Variants in ARAP2 observed in about 807,000 individuals in gnomAD.
ARAP2 encodes the protein ArfGAP with RhoGAP domain, ankyrin repeat and PH domain 2.
A neutral mutation model predicts 194.5 loss-of-function variants in ARAP2; 148 were observed. That is an observed-to-expected ratio of 0.76 (90% CI 0.67 to 0.87). ARAP2 has a LOEUF of 0.87. Ranked by LOEUF, ARAP2 falls within the 40% of genes least tolerant of loss-of-function variation. ARAP2 has a pLI of 0.00. For synonymous variants in ARAP2, 695 were observed against 683.5 expected (o/e 1.02, Z -0.26); for missense variants, 2,128 against 1,989.7 (o/e 1.07, Z -1.32).
chr4:36,119,669 G>T lies in ARAP2; in HGVS notation c.3944C>A (p.Thr1315Asn). 1 of 1,603,164 alleles carries T rather than the reference G, an allele frequency of 6.2e-7. No homozygotes were observed. Among genetic ancestry groups the T allele is most frequent in the Non-Finnish European group, 8.5e-7 (1 of 1,171,896 alleles). The change falls in exon 24 of 33, where the codon ACC becomes AAC. Residue 1315 changes from threonine (T) to asparagine (N), a missense_variant. Physicochemically the swap from Thr to Asn is moderately conservative, Grantham distance 65. Coordinates refer to ENST00000303965, the MANE Select transcript of ARAP2 (RefSeq NM_015230.4). ...KQMDIENSFITKWKDTQVSQA... is the reference protein window; with the variant it reads ...KQMDIENSFINKWKDTQVSQA... ...ACTCACTTGGGTGTCTTTCCACTTGGTAATAAAGCTATTTTCTATGTCCAT... is the reference window on the plus strand; with the variant it reads ...ACTCACTTGGGTGTCTTTCCACTTGTTAATAAAGCTATTTTCTATGTCCAT...
At chr4:36,128,504 A>ACACACACAC in intron 21 of ARAP2, 29 bp downstream of exon 21, 2 of 1,532,600 alleles carry the variant, frequency 1.3e-6, no homozygotes, top group Non-Finnish European at 1.8e-6. Flanking sequence ...ACACACACAC[A>ACACACACAC]TATCTACAAA....
intron 2 of ARAP2, among the ~76,000 whole-genome samples, chr4:36,220,166 C>T (rs1421779381): frequency 6.6e-6 from 1 of 152,102 alleles, no homozygotes; most frequent in African/African-American, 2.4e-5. Context: ...ATTAATATTG[C>T]TACTTCTTAC....
intron 3 of ARAP2, among the ~76,000 whole-genome samples, chr4:36,049,241 A>T (rs948779723): frequency 5.3e-5 from 8 of 152,146 alleles, no homozygotes; most frequent in Non-Finnish European, 1.2e-4. Context: ...TTGACAAAAA[A>T]TTTTTTCTGA....
At chr4:36,055,101 T>C (rs529061812) in intron 2 of ARAP2, among the ~76,000 whole-genome samples, 6 of 152,304 alleles carry the variant, frequency 3.9e-5, no homozygotes, top group African/African-American at 1.4e-4. Flanking sequence ...TTTAAACAGC[T>C]CTAGTATTTT....
chr4:36,184,923 T>C (rs1323406657), intron 8 of ARAP2, among the ~76,000 whole-genome samples: 1 of 152,232 alleles, frequency 6.6e-6, no homozygotes, highest in African/African-American at 2.4e-5. Context: ...ATATCAAGTA[T>C]CACAACTGTG....
At chr4:36,204,723 G>A (rs1481015527) in intron 6 of ARAP2, among the ~76,000 whole-genome samples, 3 of 152,120 alleles carry the variant, frequency 2.0e-5, no homozygotes, top group Admixed American at 1.3e-4. Context: ...GGGCACGGTC[G>A]TTTATGCCTG....
chr4:36,216,523 A>T (rs1394866602), intron 2 of ARAP2, among the ~76,000 whole-genome samples: 1 of 152,232 alleles, frequency 6.6e-6, no homozygotes, highest in Non-Finnish European at 1.5e-5. Context: ...TTATAAAAAT[A>T]AATAGTCACC....
At chr4:36,129,488 T>A (rs563952810) in intron 20 of ARAP2, among the ~76,000 whole-genome samples, 1 of 152,092 alleles carries the variant, frequency 6.6e-6, no homozygotes, top group African/African-American at 2.4e-5. Flanking sequence ...ATGTTCTTTT[T>A]TTTCTAGATG....
intron 27 of ARAP2, among the ~76,000 whole-genome samples, chr4:36,101,212 G>T (rs1202845046): frequency 6.6e-6 from 1 of 151,948 alleles, no homozygotes; most frequent in African/African-American, 2.4e-5. Context: ...AGGTGGCAGG[G>T]GGGAGACGTG....
chr4:36,116,957 G>T, intron 25 of ARAP2, 104 bp downstream of exon 25: 1 of 633,836 alleles, frequency 1.6e-6, no homozygotes. Context: ...GTTTGAACTG[G>T]AGAGGTAATA....
At chr4:36,096,260 G>C (rs1715194195) in intron 27 of ARAP2, among the ~76,000 whole-genome samples, 1 of 150,356 alleles carries the variant, frequency 6.7e-6, no homozygotes, top group African/African-American at 2.5e-5. Context: ...AGCTACTCAG[G>C]AGGCTGAGGC....
intron 5 of ARAP2, among the ~76,000 whole-genome samples, chr4:36,037,356 G>A (rs1720098022): frequency 6.6e-6 from 1 of 152,090 alleles, no homozygotes; most frequent in Non-Finnish European, 1.5e-5. Flanking sequence ...GACTTTGGCA[G>A]GACCTGTACT....
intron 6 of ARAP2, among the ~76,000 whole-genome samples, chr4:36,206,966 CTG>C (rs745408866): frequency 1.3e-5 from 2 of 152,216 alleles, no homozygotes; most frequent in African/African-American, 4.8e-5. Flanking sequence ...TAAAGATGCT[CTG>C]TGTGTTATGC....
chr4:36,017,914 G>T lies in ARAP2; in HGVS notation n.750+1230C>A, dbSNP rs1577548002. Among the ~76,000 whole-genome samples, 3 of 152,168 alleles carry T rather than the reference G, an allele frequency of 2.0e-5. No individual in the cohort carries two copies. The South Asian group carries it at 6.2e-4, about 32-fold the overall frequency. On this transcript the variant is annotated intron_variant and non_coding_transcript_variant, in intron 6 of 12. Coordinates refer to the ARAP2 transcript ENST00000503225. ...ACTGGAAATAATAAGATATTTGGGG[G>T]TAGAGGAAGAAATAATAACAAAAAT...
At chr4:36,146,370 C>T (rs1729620745) in intron 19 of ARAP2, among the ~76,000 whole-genome samples, 2 of 152,044 alleles carry the variant, frequency 1.3e-5, no homozygotes, top group African/African-American at 4.8e-5. Context: ...TGAGCAGCTT[C>T]CCATCATATT....
Position 36,133,342 on chromosome 4 carries a change from T to A in ARAP2, c.3311A>T (p.His1104Leu). The A allele has an allele frequency of 6.2e-7, 1 of 1,611,236 alleles. No homozygotes were observed. Among genetic ancestry groups the A allele is most frequent in the Non-Finnish European group, 8.5e-7 (1 of 1,178,162 alleles). Residue 1104 changes from histidine (H) to leucine (L), a missense_variant, in exon 20 of 33, where the codon CAT becomes CTT. His to Leu is a moderately conservative substitution (Grantham distance 99). Coordinates refer to ENST00000303965, the MANE Select transcript of ARAP2 (RefSeq NM_015230.4). Reference sequence around the variant, plus strand: ...ACCTGCTGCTTTTTCAATTGCAGTATGCCAGACTGTGAAATCCAACTTGGT... The same window carrying A: ...ACCTGCTGCTTTTTCAATTGCAGTAAGCCAGACTGTGAAATCCAACTTGGT... Reference protein sequence around the residue: ...GHTKLDFTVWHTAIEKAAGTD... With the variant: ...GHTKLDFTVWLTAIEKAAGTD...
In ARAP2 at chr4:36,229,394, A is replaced by T. The variant is rs747905043; in HGVS notation, c.93T>A (p.Gly31=). The change falls in exon 2 of 33, where the codon GGT becomes GGA. Residue 31 remains glycine, a synonymous_variant. Coordinates refer to ENST00000303965, the MANE Select transcript of ARAP2 (RefSeq NM_015230.4). The stretch of plus-strand genomic sequence containing the variant: ...CTGCACAGTCCTTCACAGTAGTAAA[A>T]CCAGACTCATGGAAATGTAAGAGAT... ...EQYLLHFHES[G]FTTVKDCAAI... The T allele has an allele frequency of 1.9e-6, 3 of 1,613,898 alleles. No individual in the cohort carries two copies.
chr4:36,072,253 T>G (rs1727163485), intron 32 of ARAP2, among the ~76,000 whole-genome samples: 1 of 152,152 alleles, frequency 6.6e-6, no homozygotes. Flanking sequence ...TGGTTTATTT[T>G]AAAGACTCAG....
intron 5 of ARAP2, among the ~76,000 whole-genome samples, chr4:36,039,907 A>G (rs1720549633): frequency 6.6e-6 from 1 of 152,128 alleles, no homozygotes; most frequent in South Asian, 2.1e-4. Flanking sequence ...CTGCCAAGAG[A>G]TGAAGGCCCA....
Sources: gnomAD v4.1 joint callset for allele counts (sites outside exome capture counted in the v4.1 genomes callset) on GRCh38, gnomAD v4.1.1 for gene constraint, MANE v1.5 for transcripts, NCBI Gene and HGNC (gene_info 2026-07-23, HGNC 2026-07-21) for gene names.